SMYD3: variants seen among roughly 807,000 people sequenced by gnomAD.
SMYD3 encodes the protein histone-lysine N-methyltransferase SMYD3.
SMYD3 carries 36 observed loss-of-function variants against 57.7 expected under a neutral mutation model. The ratio of observed to expected loss-of-function variants is 0.62; its 90% CI spans 0.48 to 0.82. The LOEUF (loss-of-function observed/expected upper bound fraction) is 0.82, where lower values mean the gene tolerates loss of function less well. Among genes scored for constraint, SMYD3 ranks in the 40% least tolerant of loss-of-function variants. SMYD3 has a pLI of 0.00. For missense variants in SMYD3, 515 were observed against 538.8 expected (o/e 0.96, Z 0.44); for synonymous variants, 211 against 195.0 (o/e 1.08, Z -0.68).
intron 5 of SMYD3, among the ~76,000 whole-genome samples, chr1:246,041,581 G>C (rs980058549): frequency 2.6e-5 from 4 of 152,104 alleles, no homozygotes; most frequent in Admixed American, 1.3e-4. Context: ...GTATGCACAC[G>C]ATAAGTCCAA....
chr1:245,910,616 C>T (rs1011701618), intron 8 of SMYD3, among the ~76,000 whole-genome samples: 2 of 151,914 alleles, frequency 1.3e-5, no homozygotes, highest in Non-Finnish European at 2.9e-5. Flanking sequence ...AACGTAGAAA[C>T]AAATCCACAC....
intron 10 of SMYD3, among the ~76,000 whole-genome samples, chr1:245,765,077 C>CAAAAAAAAAAAAAAA (rs746177324): frequency 1.6e-5 from 2 of 128,350 alleles, no homozygotes; most frequent in African/African-American, 6.1e-5. Context: ...CACACACACA[C>CAAAAAAAAAAAAAAA]AAAACCACAG....
intron 5 of SMYD3, among the ~76,000 whole-genome samples, chr1:245,991,151 G>A (rs575844044): frequency 6.6e-6 from 1 of 152,196 alleles, no homozygotes; most frequent in African/African-American, 2.4e-5. Context: ...TCCTATATGT[G>A]GAAAAAATGC....
intron 11 of SMYD3, among the ~76,000 whole-genome samples, chr1:245,761,939 T>C (rs924457330): frequency 1.3e-5 from 2 of 151,914 alleles, no homozygotes; most frequent in African/African-American, 4.8e-5. Context: ...GCACCCGTTA[T>C]CATGCTCAGC....
At chr1:246,459,535 C>G (rs1170475706) in intron 1 of SMYD3, among the ~76,000 whole-genome samples, 4 of 152,208 alleles carry the variant, frequency 2.6e-5, no homozygotes, top group African/African-American at 9.7e-5. Context: ...CCTTCACTCT[C>G]TCCTGCTCTG....
chr1:246,105,292 C>T (rs28461583), intron 5 of SMYD3, among the ~76,000 whole-genome samples: 9,621 of 152,056 alleles, frequency 0.063, 358 homozygotes, highest in Non-Finnish European at 0.07. Flanking sequence ...TTTAGAAAAG[C>T]AAAGAATCTT....
At chr1:245,845,522 G>T (rs2050620551) in intron 10 of SMYD3, among the ~76,000 whole-genome samples, 1 of 152,140 alleles carries the variant, frequency 6.6e-6, no homozygotes, top group Non-Finnish European at 1.5e-5. Context: ...AGGTACATCA[G>T]GTCCTGACAT....
intron 5 of SMYD3, among the ~76,000 whole-genome samples, chr1:246,228,346 T>A (rs1160013979): frequency 6.6e-6 from 1 of 152,190 alleles, no homozygotes. Flanking sequence ...TGTTTACTTA[T>A]CATTAAAAGT....
chr1:245,928,037 GA>G lies in SMYD3; in HGVS notation c.600-5del, dbSNP rs755376291. 589 of 1,566,266 alleles carry G rather than the reference GA, an allele frequency of 3.8e-4. 2 individuals carry two copies. The highest frequency in any genetic ancestry group is 4.1e-4 in the Non-Finnish European group (476 of 1,154,786). ...GCTGTGATTGAGCAAAGAGATACTG[GA>G]AAAAAAAAGGGGGGAAGACTGTCAC... On this transcript the variant is annotated splice_region_variant and splice_polypyrimidine_tract_variant and intron_variant, in intron 6 of 11. Coordinates refer to ENST00000490107, the MANE Select transcript of SMYD3 (RefSeq NM_001167740.2).
intron 5 of SMYD3, among the ~76,000 whole-genome samples, chr1:245,972,923 C>G (rs934740847): frequency 6.6e-6 from 1 of 152,160 alleles, no homozygotes; most frequent in South Asian, 2.1e-4. Flanking sequence ...CCCTTTGTTA[C>G]GAGAACCTGG....
chr1:245,883,596 A>G (rs540091717), intron 8 of SMYD3, among the ~76,000 whole-genome samples: 1 of 152,264 alleles, frequency 6.6e-6, no homozygotes, highest in Non-Finnish European at 1.5e-5. Context: ...CCAACGCTAA[A>G]AGACTATTAC....
At chr1:246,126,088 A>C (rs1378097651) in intron 5 of SMYD3, among the ~76,000 whole-genome samples, 1 of 152,198 alleles carries the variant, frequency 6.6e-6, no homozygotes, top group Non-Finnish European at 1.5e-5. Context: ...GAGCACTAAG[A>C]AGCATTACTT....
intron 10 of SMYD3, among the ~76,000 whole-genome samples, chr1:245,789,669 T>A (rs969779482): frequency 6.6e-6 from 1 of 152,216 alleles, no homozygotes; most frequent in African/African-American, 2.4e-5. Flanking sequence ...ATAAGCTCTA[T>A]ATTTTACCTA....
chr1:246,284,293 G>A (rs1391586667), intron 5 of SMYD3, among the ~76,000 whole-genome samples: 5 of 152,154 alleles, frequency 3.3e-5, no homozygotes, highest in Non-Finnish European at 7.3e-5. Flanking sequence ...AAATCTTTCA[G>A]CTTTCCTTTG....
At chr1:245,870,615 T>G (rs1371520875) in intron 8 of SMYD3, among the ~76,000 whole-genome samples, 1 of 152,180 alleles carries the variant, frequency 6.6e-6, no homozygotes, top group African/African-American at 2.4e-5. Context: ...CCAGATGATA[T>G]GAGATCATCT....
At chr1:246,021,005 G>C (rs10924450) in intron 5 of SMYD3, among the ~76,000 whole-genome samples, 30,737 of 152,118 alleles carry the variant, frequency 0.2, 3,758 homozygotes, top group East Asian at 0.56. Flanking sequence ...TAAGTAAACA[G>C]CAAATTTGAT....
chr1:245,824,617 A>G (rs10802271), intron 10 of SMYD3, among the ~76,000 whole-genome samples: 114,440 of 151,982 alleles, frequency 0.75, 45,255 homozygotes, highest in Non-Finnish European at 0.89. Context: ...GCACTTTGGG[A>G]CGTCAAGGCA....
rs548405379 is a variant in SMYD3, at chr1:246,027,287, G to A, written c.532-97350C>T. On this transcript the variant is annotated intron_variant, in intron 5 of 11. Transcript: ENST00000490107. ...AGAAGATCTAGCTGAGATGACTGAT[G>A]AGGGTGGCAACAAGGAAAAGCAGAC... 3.3e-5 allele frequency among the ~76,000 whole-genome samples: 5 copies of A among 152,330 alleles called. No individual in the cohort carries two copies. The South Asian group carries it at 1.0e-3, about 32-fold the overall frequency.
intron 8 of SMYD3, among the ~76,000 whole-genome samples, chr1:245,867,050 T>C (rs541653119): frequency 2.0e-5 from 3 of 152,334 alleles, no homozygotes; most frequent in South Asian, 2.1e-4. Context: ...TTAGGCCACA[T>C]TGCAAAGGGG....
Sources: gnomAD v4.1 joint callset for allele counts (sites outside exome capture counted in the v4.1 genomes callset) on GRCh38, gnomAD v4.1.1 for gene constraint, MANE v1.5 for transcripts, NCBI Gene and HGNC (gene_info 2026-07-23, HGNC 2026-07-21) for gene names.